RMP64: variants seen among roughly 807,000 people sequenced by gnomAD.
The protein encoded by RMP64 is ribonuclease MRP subunit p64.
the RMP64 span, among the ~76,000 whole-genome samples, chr3:113,018,168 T>C: frequency 5.3e-5 from 8 of 152,352 alleles, no homozygotes; most frequent in African/African-American, 1.9e-4. Context: ...CATCAGCAGA[T>C]GCTTCCTAGT....
the RMP64 span, chr3:113,008,800 C>A: frequency 5.6e-6 from 1 of 179,476 alleles, no homozygotes; most frequent in Non-Finnish European, 1.2e-5. Flanking sequence ...CAGGTCCCAT[C>A]TGCAGCTGAA....
chr3:113,018,733 T>G, the RMP64 span, among the ~76,000 whole-genome samples: 1 of 152,182 alleles, frequency 6.6e-6, no homozygotes, highest in Non-Finnish European at 1.5e-5. Flanking sequence ...TCATTTACCA[T>G]GCCAGGCAGT....
the RMP64 span, chr3:113,013,332 T>G: frequency 1.9e-6 from 3 of 1,613,872 alleles, no homozygotes; most frequent in Admixed American, 1.7e-5. Flanking sequence ...TCCCAAAACC[T>G]TCATCAACAC....
At chr3:113,015,853 A>G in the RMP64 span, among the ~76,000 whole-genome samples, 2 of 151,072 alleles carry the variant, frequency 1.3e-5, no homozygotes, top group African/African-American at 4.9e-5. Flanking sequence ...CAAATAGCCA[A>G]GAATTTAAAA....
the RMP64 span, chr3:113,008,550 G>T: frequency 1.2e-6 from 1 of 817,960 alleles, no homozygotes; most frequent in Non-Finnish European, 1.9e-6. Context: ...GTCCCTAAAT[G>T]CTTGAAGTGA....
the RMP64 span, among the ~76,000 whole-genome samples, chr3:113,011,736 C>A: frequency 3.9e-5 from 6 of 152,092 alleles, no homozygotes; most frequent in Non-Finnish European, 8.8e-5. Flanking sequence ...ATTTCAGGTT[C>A]TTCACATTTC....
chr3:113,012,251 T>C, the RMP64 span, among the ~76,000 whole-genome samples: 4 of 152,178 alleles, frequency 2.6e-5, no homozygotes, highest in African/African-American at 7.2e-5. Flanking sequence ...GGTCAAAAAT[T>C]GCATTTATCA....
chr3:113,013,305 A>C, the RMP64 span: 27 of 1,614,198 alleles, frequency 1.7e-5, no homozygotes, highest in Admixed American at 8.3e-5. Context: ...CAACAAGCGG[A>C]GCAACAACTT....
chr3:113,005,227 A>C, the RMP64 span: 1 of 346,532 alleles, frequency 2.9e-6, no homozygotes, highest in East Asian at 6.1e-5. Flanking sequence ...GTAAGTCATA[A>C]AATTATTCAG....
At chr3:113,017,054 T>A in the RMP64 span, among the ~76,000 whole-genome samples, 4,137 of 152,320 alleles carry the variant, frequency 0.027, 210 homozygotes, top group East Asian at 0.23. Flanking sequence ...CAAGTTTTTT[T>A]AAAAATAATT....
chr3:113,014,237 C>T, the RMP64 span: 25 of 460,146 alleles, frequency 5.4e-5, no homozygotes, highest in African/African-American at 5.0e-4. Flanking sequence ...TCCAGCCAAA[C>T]ACATTTTTAA....
the RMP64 span, chr3:113,013,332 TTCA>T: frequency 6.2e-7 from 1 of 1,613,990 alleles, no homozygotes; most frequent in African/African-American, 1.3e-5. Context: ...TCCCAAAACC[TTCA>T]TCAACACCAA....
chr3:113,019,275 C>G, the RMP64 span: 1 of 500,312 alleles, frequency 2.0e-6, no homozygotes, highest in South Asian at 2.5e-5. Context: ...TCTCCGCCCC[C>G]TCAGCGCACG....
chr3:113,012,519 G>A, the RMP64 span: 1 of 384,514 alleles, frequency 2.6e-6, no homozygotes, highest in East Asian at 3.8e-5. Flanking sequence ...TGATTGGGCT[G>A]ATCTTGTGGA....
chr3:113,003,588 G>T, the RMP64 span: 1 of 152,146 alleles, frequency 6.6e-6, no homozygotes, highest in Non-Finnish European at 1.5e-5. Context: ...CAGAAGATGG[G>T]AAAATGAGAG....
chr3:113,006,468 A>G, the RMP64 span, among the ~76,000 whole-genome samples: 1 of 152,250 alleles, frequency 6.6e-6, no homozygotes, highest in South Asian at 2.1e-4. Context: ...GGGTTTATAA[A>G]ACAATATGAA....
At chr3:113,010,834 T>TACAGAATAA in the RMP64 span, 10 of 873,998 alleles carry the variant, frequency 1.1e-5, no homozygotes, top group Non-Finnish European at 1.6e-5. Context: ...AGCAAATAAC[T>TACAGAATAA]AGGAAGCAAC....
chr3:113,009,353 G>A, the RMP64 span: 1 of 151,996 alleles, frequency 6.6e-6, no homozygotes, highest in African/African-American at 2.4e-5. Flanking sequence ...TAAAAGTAAT[G>A]ACCCAGGTCA....
At chr3:113,012,211 G>A in the RMP64 span, among the ~76,000 whole-genome samples, 3 of 152,308 alleles carry the variant, frequency 2.0e-5, no homozygotes, top group East Asian at 5.8e-4. Flanking sequence ...TGGTGTTTGA[G>A]ATGGAAGAAA....
Sources: allele counts gnomAD v4.1 joint callset (sites outside exome capture counted in the v4.1 genomes callset), GRCh38; gene constraint gnomAD v4.1.1; transcripts MANE v1.5; gene names NCBI Gene and HGNC (gene_info 2026-07-23, HGNC 2026-07-21).